Variants in RIF1 observed in about 807,000 individuals in gnomAD.
RIF1 encodes the protein telomere-associated protein RIF1.
Under a neutral mutation model 247.1 loss-of-function variants are expected in RIF1, and 45 were observed. The observed-to-expected ratio is 0.18, with a 90% CI of 0.14 to 0.23. RIF1 has a LOEUF of 0.23. Among genes scored for constraint, RIF1 ranks in the 10% least tolerant of loss-of-function variants. RIF1 has a pLI of 1.00. For synonymous variants in RIF1, 1,087 were observed against 978.8 expected (o/e 1.11, Z -2.06); for missense variants, 2,967 against 2,862.5 (o/e 1.04, Z -0.83).
At chr2:151,527,000 T>C in the RIF1 span, 36 of 1,599,920 alleles carry the variant, frequency 2.3e-5, no homozygotes, top group Non-Finnish European at 3.4e-6. Context: ...CTTGAGGAAC[T>C]CCCGGTCCAG....
rs183380843 is a variant in RIF1, at chr2:151,465,213, C to T, written c.5693C>T (p.Thr1898Ile). ...PKMELSLENV[T>I]VEGNACKVTE... The stretch of plus-strand genomic sequence containing the variant: ...ATGGAACTGAGTCTAGAGAATGTTA[C>T]TGTTGAAGGAAATGCATGTAAAGTA... The change falls in exon 30 of 36, where the codon ACT becomes ATT. Residue 1898 changes from threonine (T) to isoleucine (I), a missense_variant. Physicochemically the swap from Thr to Ile is moderately conservative, Grantham distance 89 (BLOSUM62 -1). This residue lies in a region of RIF1 where 2,028 missense variants were observed against 1,825.6 expected (regional missense o/e 1.11). Coordinates refer to ENST00000444746, the MANE Select transcript of RIF1 (RefSeq NM_018151.5). 66 of 1,611,476 alleles carry T rather than the reference C, an allele frequency of 4.1e-5. No homozygotes were observed. In the Middle Eastern group the frequency reaches 9.9e-4, roughly 24 times the overall value.
At chr2:151,513,754 T>C in the RIF1 span, 3 of 1,155,164 alleles carry the variant, frequency 2.6e-6, no homozygotes, top group Admixed American at 2.0e-5. Flanking sequence ...GTAATAAACA[T>C]ACAGGGTGAA....
At chr2:151,485,595 A>G (rs1469025250), downstream of RIF1, 1 of 568,550 alleles carries the variant, frequency 1.8e-6, no homozygotes, top group Non-Finnish European at 2.9e-6. Flanking sequence ...CTGTTCTGCA[A>G]CTTATTTTAA....
At chr2:151,428,396 G>A (rs1211216962) in intron 8 of RIF1, among the ~76,000 whole-genome samples, 1 of 151,676 alleles carries the variant, frequency 6.6e-6, no homozygotes, top group African/African-American at 2.4e-5. Flanking sequence ...TTATTTTCAG[G>A]GTTCAATGCC....
In RIF1 at chr2:151,420,269, T is replaced by G. The variant is rs1196086670; in HGVS notation, c.583T>G (p.Ser195Ala). ...ACTGGTCATACCTTTAGTGGTTCAT[T>G]CAGCACAAAAGGTACATTTGCGGGG... Reference protein sequence around the residue: ...AKLVIPLVVHSAQKVHLRGAT... With the variant: ...AKLVIPLVVHAAQKVHLRGAT... Residue 195 changes from serine to alanine, a missense_variant, in exon 7 of 36, where the codon TCA (serine) becomes GCA (alanine). This residue lies in a region of RIF1 where 269 missense variants were observed against 288.6 expected (regional missense o/e 0.93). Transcript: ENST00000444746. 3 of 1,614,062 alleles carry G rather than the reference T, an allele frequency of 1.9e-6. No homozygotes were observed. Among genetic ancestry groups the G allele is most frequent in the Admixed American group, 3.3e-5 (2 of 59,998 alleles).
intron 10 of RIF1, among the ~76,000 whole-genome samples, chr2:151,496,736 A>T (rs1016090210): frequency 1.3e-5 from 2 of 152,192 alleles, no homozygotes; most frequent in African/African-American, 4.8e-5. Flanking sequence ...GATTGAAAAT[A>T]TCAGATGAAA....
At chr2:151,503,561 T>G in intron 12 of RIF1, 1 of 637,904 alleles carries the variant, frequency 1.6e-6, no homozygotes, top group Non-Finnish European at 2.8e-6. Context: ...AAATATAACA[T>G]TCAAGGAACA....
At chr2:151,534,167 C>T in the RIF1 span, 3 of 1,357,770 alleles carry the variant, frequency 2.2e-6, no homozygotes, top group Non-Finnish European at 3.1e-6. Flanking sequence ...TCATGAGAAA[C>T]TGGGAGCACA....
chr2:151,504,613 C>T (rs1367120816), intron 12 of RIF1, among the ~76,000 whole-genome samples: 1 of 152,168 alleles, frequency 6.6e-6, no homozygotes, highest in Non-Finnish European at 1.5e-5. Flanking sequence ...AGAGTTCAGT[C>T]CTCCATTGAC....
At chr2:151,473,340 C>A (rs11900567) in intron 34 of RIF1, among the ~76,000 whole-genome samples, 2,153 of 148,596 alleles carry the variant, frequency 0.014, 62 homozygotes, top group African/African-American at 0.051. Context: ...GTCACCCAGG[C>A]CAGAGTGCAG....
intron 11 of RIF1, chr2:151,501,548 A>G: frequency 1.2e-6 from 1 of 854,142 alleles, no homozygotes; most frequent in Non-Finnish European, 1.7e-6. Flanking sequence ...GACTTAACCT[A>G]AAAAAACAGC....
At chr2:151,504,256 C>T (rs1436089971) in intron 12 of RIF1, among the ~76,000 whole-genome samples, 2 of 152,090 alleles carry the variant, frequency 1.3e-5, no homozygotes, top group South Asian at 2.1e-4. Context: ...ACAAGCTAGG[C>T]GTGATAGCTT....
intron 11 of RIF1, among the ~76,000 whole-genome samples, chr2:151,500,418 T>TAGAAGCTTG (rs1380053207): frequency 2.2e-5 from 2 of 92,944 alleles, no homozygotes; most frequent in African/African-American, 7.1e-5. Flanking sequence ...CAGAGTTGTA[T>TAGAAGCTTG]ATAATACACA....
the RIF1 span, chr2:151,524,248 C>T: frequency 3.6e-6 from 5 of 1,371,926 alleles, no homozygotes; most frequent in East Asian, 9.2e-5. Context: ...GAAATCACTT[C>T]TTCCTGCAAG....
chr2:151,474,229 A>G (rs999941118), intron 35 of RIF1, among the ~76,000 whole-genome samples, 157 bp downstream of exon 35: 2 of 152,204 alleles, frequency 1.3e-5, no homozygotes, highest in Admixed American at 1.3e-4. Flanking sequence ...TGGACATCAA[A>G]TGTGTCTACT....
intron 10 of RIF1, among the ~76,000 whole-genome samples, chr2:151,433,831 T>A (rs1453382505): frequency 6.6e-6 from 1 of 152,072 alleles, no homozygotes; most frequent in Non-Finnish European, 1.5e-5. Context: ...AAGGGTTTTT[T>A]CCCCTAGAGC....
downstream of RIF1, chr2:151,508,064 T>C: frequency 6.2e-7 from 1 of 1,611,170 alleles, no homozygotes; most frequent in South Asian, 1.1e-5. Flanking sequence ...TCCAAAACAG[T>C]CTCATAATAC....
At chr2:151,493,753 T>C in intron 9 of RIF1, 1 of 1,490,496 alleles carries the variant, frequency 6.7e-7, no homozygotes, top group Non-Finnish European at 9.2e-7. Flanking sequence ...TTTTAAGGAT[T>C]TATTTTTCCT....
chr2:151,517,519 G>C, the RIF1 span, among the ~76,000 whole-genome samples: 1 of 152,194 alleles, frequency 6.6e-6, no homozygotes, highest in African/African-American at 2.4e-5. Flanking sequence ...TTATAGTCAT[G>C]AATTGCTTAA....
Sources: gnomAD v4.1 joint callset for allele counts (sites outside exome capture counted in the v4.1 genomes callset) on GRCh38, gnomAD v4.1.1 for gene constraint, gnomAD v4.1.1 regional missense constraint, MANE v1.5 for transcripts, NCBI Gene and HGNC (gene_info 2026-07-23, HGNC 2026-07-21) for gene names.